MUC5AC: variants seen among roughly 807,000 people sequenced by gnomAD.
The protein encoded by MUC5AC is mucin-5AC.
Under a neutral mutation model 169.7 loss-of-function variants are expected in MUC5AC, and 158 were observed. The observed-to-expected ratio is 0.93, with a 90% CI of 0.82 to 1.06. MUC5AC has a LOEUF of 1.06. MUC5AC is among the 50% of genes least tolerant of loss of function. The pLI is 0.00. For missense variants in MUC5AC, 4,359 were observed against 3,089.9 expected (o/e 1.41, Z -9.74); for synonymous variants, 1,975 against 1,237.0 (o/e 1.60, Z -12.52).
chr11:1,182,033 G>A, intron 30 of MUC5AC, 122 bp from the exon 31 acceptor site: 2 of 398,262 alleles, frequency 5.0e-6, no homozygotes, highest in Non-Finnish European at 8.9e-6. Context: ...AGGGACCGCG[G>A]GTGGGGACAG....
intron 15 of MUC5AC, among the ~76,000 whole-genome samples, chr11:1,170,864 C>T (rs1395272538): frequency 6.8e-6 from 1 of 147,596 alleles, no homozygotes; most frequent in Non-Finnish European, 1.5e-5. Flanking sequence ...CAACCATTCA[C>T]TCGCCTATTC....
Position 1,181,124 on chromosome 11 carries a change from C to G in MUC5AC, c.3777-15C>G, listed in dbSNP as rs1860806902. ...CGCCCCCACGCATCGGCCTGCCCTT[C>G]TTCCTTGTCTCCAGCCTTTGTACGG... On this transcript the variant is annotated splice_polypyrimidine_tract_variant and intron_variant, in intron 28 of 48. Transcript: ENST00000621226. The G allele has an allele frequency of 1.0e-5, 4 of 398,426 alleles. No individual in the cohort carries two copies. Among genetic ancestry groups the G allele is most frequent in the Non-Finnish European group, 1.8e-5 (4 of 226,018 alleles). 24.7% of individuals were successfully genotyped at this position (398,426 alleles called of 1,614,324 possible).
chr11:1,186,933 A>T lies in MUC5AC; in HGVS notation c.8788A>T (p.Thr2930Ser), dbSNP rs1252781356. ...PTSSTTSATT[T>S]STISVPTTST... is the part of the protein sequence containing the mutation. ...AAGCAGCACAACCTCAGCTACTACAACCAGCACAATCTCTGTTCCTACAAC... is the reference window on the plus strand; with the variant it reads ...AAGCAGCACAACCTCAGCTACTACATCCAGCACAATCTCTGTTCCTACAAC... The change falls in exon 31 of 49, where the codon ACC becomes TCC. Residue 2930 changes from threonine to serine, a missense_variant. Coordinates refer to ENST00000621226, the MANE Select transcript of MUC5AC (RefSeq NM_001304359.2). The T allele has an allele frequency of 4.1e-6, 3 of 726,242 alleles. No homozygotes were observed. The highest frequency in any genetic ancestry group is 7.5e-6 in the Non-Finnish European group (3 of 398,306). 45.0% of individuals were successfully genotyped at this position (726,242 alleles called of 1,614,324 possible).
chr11:1,198,895 A>C lies in MUC5AC; in HGVS notation c.16195A>C (p.Ser5399Arg). 1.3e-6 allele frequency: 1 copy of C among 754,936 alleles called. No individual in the cohort carries two copies. The highest frequency in any genetic ancestry group is 2.4e-6 in the Non-Finnish European group (1 of 413,766). 46.8% of individuals were successfully genotyped at this position (754,936 alleles called of 1,614,324 possible). The change falls in exon 44 of 49, where the codon AGC becomes CGC. Residue 5399 changes from serine (S) to arginine (R), a missense_variant. Transcript: ENST00000621226. ...CCAGCCCGGCGCCGTGGTCTCCTCG[A>C]GCCTGTGCGAAACCTGCAGGTGTGA... is the stretch of plus-strand genomic sequence containing the variant. ...LYQPGAVVSS[S>R]LCETCRCELP...
At position 1,185,236 on chromosome 11, in the gene MUC5AC, C is replaced by G. The variant is rs2133756351; in HGVS notation, c.7091C>G (p.Thr2364Arg). ...ATAACCTCTGCCCCTACAACCAGCA[C>G]AACCTCTGCTCCTACAACCAGCACA... is the stretch of plus-strand genomic sequence containing the variant. ...TSITSAPTTSTTSAPTTSTTS... is the reference protein window; with the variant it reads ...TSITSAPTTSRTSAPTTSTTS... Residue 2364 changes from threonine (T) to arginine (R), a missense_variant, in exon 31 of 49, where the codon ACA (threonine) becomes AGA (arginine). Coordinates refer to ENST00000621226, the MANE Select transcript of MUC5AC (RefSeq NM_001304359.2). 1.4e-6 allele frequency: 1 copy of G among 727,604 alleles called. No homozygotes were observed. The highest frequency in any genetic ancestry group is 2.6e-5 in the East Asian group (1 of 39,088). 45.1% of individuals were successfully genotyped at this position (727,604 alleles called of 1,614,324 possible). A position where few individuals can be genotyped will look rare whatever the true frequency, so the allele number is the denominator to read the frequency against.
intron 1 of MUC5AC, among the ~76,000 whole-genome samples, chr11:1,159,021 C>T (rs1271290622): frequency 6.6e-6 from 1 of 152,184 alleles, no homozygotes; most frequent in African/African-American, 2.4e-5. Context: ...CAGGAGAGGG[C>T]GGAGCTGGGG....
At chr11:1,200,127 G>T (rs918552121) in intron 48 of MUC5AC, among the ~76,000 whole-genome samples, 158 bp downstream of exon 48, 1 of 152,176 alleles carries the variant, frequency 6.6e-6, no homozygotes, top group African/African-American at 2.4e-5. Flanking sequence ...AGATGGCAAG[G>T]GTGGGGCTGG....
In MUC5AC at chr11:1,185,699, T is replaced by G; in HGVS notation, c.7554T>G (p.Ser2518=). 1 of 744,048 alleles carries G rather than the reference T, an allele frequency of 1.3e-6. No individual in the cohort carries two copies. Among genetic ancestry groups the G allele is most frequent in the Non-Finnish European group, 2.5e-6 (1 of 407,516 alleles). The allele number at this position is 744,048 out of a possible 1,614,324, so 46.1% of individuals were successfully genotyped here. A position where few individuals can be genotyped will look rare whatever the true frequency, so the allele number is the denominator to read the frequency against. ...CTGCTCCTACAACCAGCACAACCTC[T>G]GCTTCTACAACCAGCACAACCTCTG... ...TTSAPTTSTT[S]ASTTSTTSGA... Residue 2518 remains serine, a synonymous_variant, in exon 31 of 49, where the codon TCT becomes TCG. Transcript: ENST00000621226.
intron 11 of MUC5AC, among the ~76,000 whole-genome samples, chr11:1,166,520 C>T (rs28391854): frequency 2.4e-4 from 31 of 131,130 alleles, no homozygotes; most frequent in South Asian, 2.7e-4. Flanking sequence ...AACACACAGT[C>T]TCTCCACGAT....
rs1473761607 is a variant in MUC5AC at position 1,195,761 on chromosome 11, T to G, written c.15459-115T>G. On this transcript the variant is annotated intron_variant, in intron 36 of 48. Coordinates refer to ENST00000621226, the MANE Select transcript of MUC5AC (RefSeq NM_001304359.2). The stretch of plus-strand genomic sequence containing the variant: ...ATACAGGAGGGCGGCCACACACCAG[T>G]GGCTGCTCTGGGACTCGCCTCGCCT... The G allele has an allele frequency of 1.7e-5, 10 of 580,574 alleles. No individual in the cohort carries two copies. The East Asian group carries it at 2.8e-4, about 16-fold the overall frequency. 36.0% of individuals were successfully genotyped at this position (580,574 alleles called of 1,614,324 possible).
chr11:1,165,722 T>C lies in MUC5AC; in HGVS notation c.1348T>C (p.Tyr450His). 1 of 1,612,396 alleles carries C rather than the reference T, an allele frequency of 6.2e-7. No individual in the cohort carries two copies. Among genetic ancestry groups the C allele is most frequent in the Non-Finnish European group, 8.5e-7 (1 of 1,179,742 alleles). Residue 450 changes from tyrosine (Y) to histidine (H), a missense_variant, in exon 11 of 49, where the codon TAC (tyrosine) becomes CAC (histidine). By Grantham distance (83) the Tyr-to-His change is moderately conservative. Transcript: ENST00000621226. ...CTTCTCAACGTTTGACGGGAAGCAA[T>C]ACACGGTGCACGGCGACTGCAGCTA... ...AHFSTFDGKQ[Y>H]TVHGDCSYVL...
rs748336371 is a variant in MUC5AC, at chr11:1,200,492, G to A, written c.16755G>A (p.Leu5585=). The change falls in exon 49 of 49, where the codon CTG becomes CTA. Residue 5585 remains leucine, a synonymous_variant. Coordinates refer to ENST00000621226, the MANE Select transcript of MUC5AC (RefSeq NM_001304359.2). ...ACAGGTGCCAGTGCTGCCAGGAGCT[G>A]CGGACCTCGCTGAGGAATGTGACCC... ...VEHRCQCCQE[L]RTSLRNVTLH... 6 of 741,340 alleles carry A rather than the reference G, an allele frequency of 8.1e-6. No individual in the cohort carries two copies. Among genetic ancestry groups the A allele is most frequent in the Admixed American group, 7.3e-5 (4 of 54,930 alleles). The allele number at this position is 741,340 out of a possible 1,614,324, so 45.9% of individuals were successfully genotyped here. A position where few individuals can be genotyped will look rare whatever the true frequency, so the allele number is the denominator to read the frequency against.
Position 1,195,941 on chromosome 11 carries a change from G to A in MUC5AC, c.15524G>A (p.Arg5175Gln), listed in dbSNP as rs770935773. The A allele has an allele frequency of 4.1e-5, 31 of 759,038 alleles. No individual in the cohort carries two copies. Among genetic ancestry groups the A allele is most frequent in the Non-Finnish European group, 6.8e-5 (28 of 414,476 alleles). The allele number at this position is 759,038 out of a possible 1,614,324, so 47.0% of individuals were successfully genotyped here. A position where few individuals can be genotyped will look rare whatever the true frequency, so the allele number is the denominator to read the frequency against. The change falls in exon 37 of 49, where the codon CGG becomes CAG. Residue 5175 changes from arginine to glutamine, a missense_variant. By Grantham distance (43) the Arg-to-Gln change is conservative (BLOSUM62 1). Transcript: ENST00000621226. ...LLFYEGCVFD[R>Q]CHMTDLDVVC... ...TTCTATGAGGGCTGCGTCTTTGACC[G>A]GTGCCACATGACGGACCTGGATGTG...
rs780772036 is a variant in MUC5AC, at chr11:1,196,730, C to T, written c.15829+10C>T. The stretch of plus-strand genomic sequence containing the variant: ...CCCACGGGCTGCCCCAGTACGTGCC[C>T]CAGGCCGGGGCTGGGGGGTGTGGCA... On this transcript the variant is annotated intron_variant, in intron 39 of 48. Coordinates refer to ENST00000621226, the MANE Select transcript of MUC5AC (RefSeq NM_001304359.2). 15 of 749,636 alleles carry T rather than the reference C, an allele frequency of 2.0e-5. No individual in the cohort carries two copies. The highest frequency in any genetic ancestry group is 3.5e-5 in the Admixed American group (2 of 56,754). The allele number at this position is 749,636 out of a possible 1,614,324, so 46.4% of individuals were successfully genotyped here. A position where few individuals can be genotyped will look rare whatever the true frequency, so the allele number is the denominator to read the frequency against.
rs989808621 is a variant in MUC5AC, at chr11:1,177,597, G to T, written c.3051G>T (p.Lys1017Asn). The T allele has an allele frequency of 2.0e-5, 8 of 398,686 alleles. No individual in the cohort carries two copies. Among genetic ancestry groups the T allele is most frequent in the South Asian group, 1.3e-4 (1 of 7,868 alleles). The allele number at this position is 398,686 out of a possible 1,614,324, so 24.7% of individuals were successfully genotyped here. Reference sequence around the variant, plus strand: ...GCCTGGTGCTGCTGTGGGACAAGAAGACCAGCATCTTCATCAACCTCAGCC... The same window carrying T: ...GCCTGGTGCTGCTGTGGGACAAGAATACCAGCATCTTCATCAACCTCAGCC... ...DIGLVLLWDKKTSIFINLSPE... is the reference protein window; with the variant it reads ...DIGLVLLWDKNTSIFINLSPE... Residue 1017 changes from lysine to asparagine, a missense_variant, in exon 24 of 49, where the codon AAG (lysine) becomes AAT (asparagine). By Grantham distance (94) the Lys-to-Asn change is moderately conservative. Transcript: ENST00000621226.
At position 1,167,866 on chromosome 11, in the gene MUC5AC, G is replaced by C; in HGVS notation, c.1387-11G>C. On this transcript the variant is annotated splice_polypyrimidine_tract_variant and intron_variant, in intron 11 of 48. Coordinates refer to ENST00000621226, the MANE Select transcript of MUC5AC (RefSeq NM_001304359.2). The stretch of plus-strand genomic sequence containing the variant: ...GGAGTGTGAGGACCCCTGGTGTGTC[G>C]TGTTCCGCAGCCCTGTGACAGCAGT... 1 of 1,549,054 alleles carries C rather than the reference G, an allele frequency of 6.5e-7. No individual in the cohort carries two copies. Among genetic ancestry groups the C allele is most frequent in the Non-Finnish European group, 8.7e-7 (1 of 1,146,312 alleles).
chr11:1,161,863 G>C, intron 3 of MUC5AC, 44 bp from the exon 4 acceptor site: 2 of 1,587,092 alleles, frequency 1.3e-6, no homozygotes, highest in Non-Finnish European at 1.7e-6. Flanking sequence ...TGCAGGGCGA[G>C]GATGAGGGCG....
intron 37 of MUC5AC, 60 bp from the exon 38 acceptor site, chr11:1,196,328 C>G (rs1008555891): frequency 2.6e-5 from 20 of 755,132 alleles, no homozygotes; most frequent in Non-Finnish European, 4.6e-5. Flanking sequence ...GCCCAGCGGC[C>G]CGCGTTGCTC....
Position 1,172,536 on chromosome 11 carries a change from G to A in MUC5AC, c.1965+13G>A, listed in dbSNP as rs907576023. On this transcript the variant is annotated intron_variant, in intron 16 of 48. Transcript: ENST00000621226. ...AACCTACTACTCGGTAACATCTGCCGCCTCTTGGCCCGGTGGGGCTCCAGC... is the reference window on the plus strand; with the variant it reads ...AACCTACTACTCGGTAACATCTGCCACCTCTTGGCCCGGTGGGGCTCCAGC... 5 of 398,550 alleles carry A rather than the reference G, an allele frequency of 1.3e-5. No homozygotes were observed. Among genetic ancestry groups the A allele is most frequent in the African/African-American group, 4.1e-5 (2 of 48,644 alleles). The allele number at this position is 398,550 out of a possible 1,614,324, so 24.7% of individuals were successfully genotyped here. A position where few individuals can be genotyped will look rare whatever the true frequency, so the allele number is the denominator to read the frequency against.
Sources: allele counts gnomAD v4.1 joint callset (sites outside exome capture counted in the v4.1 genomes callset), GRCh38; gene constraint gnomAD v4.1.1; transcripts MANE v1.5; gene names NCBI Gene and HGNC (gene_info 2026-07-23, HGNC 2026-07-21).